DPF3: variants seen among roughly 807,000 people sequenced by gnomAD.
The protein encoded by DPF3 is zinc finger protein DPF3.
A neutral mutation model predicts 56.8 loss-of-function variants in DPF3; 18 were observed. The ratio of observed to expected loss-of-function variants is 0.32; its 90% CI spans 0.22 to 0.47. The LOEUF is 0.47. DPF3 is among the 20% of genes least tolerant of loss of function. The pLI is 1.00. For missense variants in DPF3, 403 were observed against 488.8 expected (o/e 0.82, Z 1.65); for synonymous variants, 188 against 180.2 (o/e 1.04, Z -0.35).
Position 72,639,830 on chromosome 14 carries a change from T to C in DPF3, c.872-10094A>G, listed in dbSNP as rs1351379252. Among the ~76,000 whole-genome samples the C allele has an allele frequency of 3.3e-5, 5 of 151,436 alleles. No homozygotes were observed. In the East Asian group the frequency reaches 9.7e-4, roughly 29 times the overall value. ...GTGTTTGTTGTTTTAAGCTGTTGAGTTTTGGAGTAATTTCTTACACAGATA... is the reference window on the plus strand; with the variant it reads ...GTGTTTGTTGTTTTAAGCTGTTGAGCTTTGGAGTAATTTCTTACACAGATA... On this transcript the variant is annotated intron_variant, in intron 8 of 10. Coordinates refer to ENST00000556509, the MANE Select transcript of DPF3 (RefSeq NM_001280542.3).
chr14:72,845,315 C>A (rs1232551193), intron 1 of DPF3, among the ~76,000 whole-genome samples: 1 of 152,146 alleles, frequency 6.6e-6, no homozygotes, highest in Non-Finnish European at 1.5e-5. Context: ...AGACTATGGC[C>A]ACCAACAGAC....
rs146805484 is a variant in DPF3, at chr14:72,615,453, G to T, written c.*3844C>A. Reference sequence around the variant, plus strand: ...TTTAAGCGGAGGGTTGAAAGGAAGCGGGCTGTATTCAAAGCACGAATACAA... The same window carrying T: ...TTTAAGCGGAGGGTTGAAAGGAAGCTGGCTGTATTCAAAGCACGAATACAA... On this transcript the variant is annotated 3_prime_UTR_variant, in exon 11 of 11. Transcript: ENST00000556509. Among the ~76,000 whole-genome samples, 2 of 152,206 alleles carry T rather than the reference G, an allele frequency of 1.3e-5. No individual in the cohort carries two copies. Among genetic ancestry groups the T allele is most frequent in the African/African-American group, 4.8e-5 (2 of 41,450 alleles).
At chr14:72,845,676 T>G (rs1034720066) in intron 1 of DPF3, among the ~76,000 whole-genome samples, 2 of 152,150 alleles carry the variant, frequency 1.3e-5, no homozygotes, top group African/African-American at 4.8e-5. Context: ...GTATTAAAGC[T>G]CCTGGGACCA....
At chr14:72,648,752 G>A (rs1389275783) in intron 8 of DPF3, among the ~76,000 whole-genome samples, 2 of 151,748 alleles carry the variant, frequency 1.3e-5, no homozygotes, top group African/African-American at 4.9e-5. Flanking sequence ...TTTTGCTCCT[G>A]CTGTTATTCC....
intron 1 of DPF3, among the ~76,000 whole-genome samples, chr14:72,882,939 T>C (rs1322594882): frequency 1.3e-5 from 2 of 152,150 alleles, no homozygotes; most frequent in African/African-American, 2.4e-5. Context: ...CAGAAGTCTC[T>C]ATTGGAGTGG....
intron 1 of DPF3, among the ~76,000 whole-genome samples, chr14:72,842,765 G>A (rs998620202): frequency 2.0e-5 from 3 of 152,076 alleles, no homozygotes; most frequent in African/African-American, 7.2e-5. Context: ...GGCTCACACT[G>A]GTAATCCCAG....
chr14:72,886,936 T>A (rs748823146), intron 1 of DPF3, among the ~76,000 whole-genome samples: 1 of 152,106 alleles, frequency 6.6e-6, no homozygotes. Flanking sequence ...ACAGGTATGC[T>A]AGAGGAAGCT....
chr14:72,686,232 GTCC>G (rs1887405271), intron 7 of DPF3, among the ~76,000 whole-genome samples: 2 of 152,210 alleles, frequency 1.3e-5, no homozygotes, highest in Admixed American at 6.5e-5. Context: ...TGGTGGCAAA[GTCC>G]CATCACATGG....
At chr14:72,710,739 C>T (rs1476313666) in intron 6 of DPF3, among the ~76,000 whole-genome samples, 1 of 152,162 alleles carries the variant, frequency 6.6e-6, no homozygotes, top group Non-Finnish European at 1.5e-5. Flanking sequence ...TATTCAGTTG[C>T]TTTTTTTGTG....
At chr14:72,671,449 T>C in intron 8 of DPF3, 1 of 1,419,354 alleles carries the variant, frequency 7.0e-7, no homozygotes, top group Admixed American at 1.7e-5. Flanking sequence ...ATAAAACCAT[T>C]TGCACACCAA....
intron 1 of DPF3, among the ~76,000 whole-genome samples, chr14:72,888,874 T>C (rs1257036857): frequency 2.0e-5 from 3 of 152,190 alleles, no homozygotes; most frequent in Non-Finnish European, 4.4e-5. Context: ...AGGCCTGGAT[T>C]CTGGTGCCTC....
chr14:72,725,589 C>A (rs954373662), intron 4 of DPF3, among the ~76,000 whole-genome samples: 3 of 152,066 alleles, frequency 2.0e-5, no homozygotes, highest in Admixed American at 6.5e-5. Context: ...GTAAGGGGAA[C>A]AAGTACCATA....
At chr14:72,663,166 C>CAA (rs56335418) in intron 8 of DPF3, among the ~76,000 whole-genome samples, 17 of 88,538 alleles carry the variant, frequency 1.9e-4, no homozygotes, top group South Asian at 5.5e-4. Context: ...TGGGTGTTAG[C>CAA]AAAAAAAAAA....
At chr14:72,661,395 T>C in intron 8 of DPF3, 1 of 985,360 alleles carries the variant, frequency 1.0e-6, no homozygotes, top group South Asian at 4.7e-5. Context: ...TCAGTAACAC[T>C]GTGACTCAAG....
At chr14:72,638,773 T>C (rs894957858) in intron 8 of DPF3, among the ~76,000 whole-genome samples, 5 of 151,990 alleles carry the variant, frequency 3.3e-5, no homozygotes, top group Non-Finnish European at 7.4e-5. Flanking sequence ...TACCTAGAAG[T>C]AGAGGACTGA....
chr14:72,890,561 G>A (rs115232576), intron 1 of DPF3, among the ~76,000 whole-genome samples: 231 of 149,210 alleles, frequency 1.5e-3, no homozygotes, highest in African/African-American at 5.1e-3. Context: ...CAACCAGAAC[G>A]TGACTAATCT....
rs566484193 is a variant in DPF3 at position 72,753,990 on chromosome 14, G to A, written c.194-619C>T. Among the ~76,000 whole-genome samples the A allele has an allele frequency of 9.2e-5, 14 of 151,426 alleles. No individual in the cohort carries two copies. In the East Asian group the frequency reaches 2.3e-3, roughly 25 times the overall value. ...AGAGCCCGCACACCTCTATATCCCC[G>A]CCTACATGCCTGGGCCTTACAAAAA... is the stretch of plus-strand genomic sequence containing the variant. On this transcript the variant is annotated intron_variant, in intron 2 of 10. Coordinates refer to ENST00000556509, the MANE Select transcript of DPF3 (RefSeq NM_001280542.3).
intron 8 of DPF3, among the ~76,000 whole-genome samples, chr14:72,638,327 T>A (rs748623756): frequency 6.6e-6 from 1 of 152,180 alleles, no homozygotes; most frequent in African/African-American, 2.4e-5. Flanking sequence ...AGCCTTGACA[T>A]TTGCTGTGCA....
intron 1 of DPF3, chr14:72,892,569 T>C: frequency 7.6e-7 from 1 of 1,315,104 alleles, no homozygotes; most frequent in Non-Finnish European, 9.6e-7. Context: ...TGTGCATTCC[T>C]TTGCGTTAGG....
Sources: allele counts gnomAD v4.1 joint callset (sites outside exome capture counted in the v4.1 genomes callset), GRCh38; gene constraint gnomAD v4.1.1; transcripts MANE v1.5; gene names NCBI Gene and HGNC (gene_info 2026-07-23, HGNC 2026-07-21).